The following RNF20 variants were observed in gnomAD, a reference collection of about 807,000 sequenced individuals.
RNF20 encodes E3 ubiquitin-protein ligase BRE1A.
In RNF20, 84 loss-of-function variants were observed where a neutral mutation model predicts 126.2. The observed-to-expected ratio is 0.67, with a 90% CI of 0.56 to 0.80. RNF20 has a LOEUF of 0.80. Ranked by LOEUF, RNF20 falls within the 30% of genes least tolerant of loss-of-function variation. RNF20 has a pLI of 0.00. For synonymous variants in RNF20, 400 were observed against 414.3 expected, an observed-to-expected ratio of 0.97 and a Z score of 0.42; for missense variants, 869 against 1,188.2, an observed-to-expected ratio of 0.73 and a Z score of 3.95.
At chr9:101,548,939 G>GT (rs974947159) in intron 9 of RNF20, among the ~76,000 whole-genome samples, 44 of 152,320 alleles carry the variant, frequency 2.9e-4, no homozygotes, top group African/African-American at 1.0e-3. Context: ...TGGCTCTGCA[G>GT]TTTTTTGCTA....
intron 16 of RNF20, among the ~76,000 whole-genome samples, chr9:101,558,321 CA>C (rs1308762052): frequency 6.6e-6 from 1 of 152,120 alleles, no homozygotes; most frequent in Admixed American, 6.6e-5. Context: ...TATTGGTCTC[CA>C]ATTCCAATTC....
intron 17 of RNF20, 75 bp from the exon 18 acceptor site, chr9:101,561,015 A>C (rs533310666): frequency 1.2e-6 from 2 of 1,600,148 alleles, no homozygotes; most frequent in East Asian, 4.5e-5. Context: ...TATTCCTTCA[A>C]CTTGGGCTAA....
chr9:101,553,966 C>G, intron 13 of RNF20, 22 bp from the exon 14 acceptor site: 1 of 1,344,708 alleles, frequency 7.4e-7, no homozygotes, highest in South Asian at 1.2e-5. Context: ...TTGTTCCCCT[C>G]CCTCTACTAC....
intron 6 of RNF20, among the ~76,000 whole-genome samples, chr9:101,545,324 A>G (rs1014833336): frequency 6.6e-6 from 1 of 152,224 alleles, no homozygotes; most frequent in Non-Finnish European, 1.5e-5. Context: ...TTCAAAATAT[A>G]TTCTACTGGA....
rs777849609 is a variant in RNF20, at chr9:101,562,139, C to CT, written c.2752-100dup. The CT allele has an allele frequency of 2.2e-6, 3 of 1,356,428 alleles. No homozygotes were observed. The African/African-American group carries it at 4.4e-5, about 20-fold the overall frequency. 84.0% of individuals were successfully genotyped at this position (1,356,428 alleles called of 1,614,324 possible). A position where few individuals can be genotyped will look rare whatever the true frequency, so the allele number is the denominator to read the frequency against. ...TTGGAGGTTGGGGGGAAATGATGCT[C>CT]TTTTTTTAGTGCCTTGTGGGTTTTC... On this transcript the variant is annotated intron_variant, in intron 19 of 19. Transcript: ENST00000389120.
chr9:101,546,923 G>A lies in RNF20; in HGVS notation c.851G>A (p.Arg284Lys). The change falls in exon 7 of 20, where the codon AGG (arginine) becomes AAG (lysine). Residue 284 changes from arginine (R) to lysine (K), a missense_variant. Arg to Lys is a conservative substitution (Grantham distance 26, BLOSUM62 2). Around this residue, in one of 8 missense-constraint regions of RNF20, gnomAD observed 153 missense variants for 226.4 expected, o/e 0.68. Coordinates refer to ENST00000389120, the MANE Select transcript of RNF20 (RefSeq NM_019592.7). ...TGGGATATTGACAAAATTCGAAAGA[G>A]GGAACAGCGACTCAACCGACACTTA... is the stretch of plus-strand genomic sequence containing the variant. ...LQWDIDKIRKREQRLNRHLAE... is the reference protein window; with the variant it reads ...LQWDIDKIRKKEQRLNRHLAE... The A allele has an allele frequency of 6.2e-7, 1 of 1,614,100 alleles. No individual in the cohort carries two copies.
chr9:101,562,212 T>C, intron 19 of RNF20, 34 bp from the exon 20 acceptor site: 1 of 1,596,604 alleles, frequency 6.3e-7, no homozygotes, highest in South Asian at 1.1e-5. Context: ...TAAACTTTCA[T>C]GGTTGTTCAA....
At chr9:101,556,600 A>T (rs1024725015) in intron 15 of RNF20, among the ~76,000 whole-genome samples, 1 of 152,176 alleles carries the variant, frequency 6.6e-6, no homozygotes, top group Non-Finnish European at 1.5e-5. Flanking sequence ...GAAAACCATT[A>T]AATTCCTTTA....
intron 2 of RNF20, among the ~76,000 whole-genome samples, chr9:101,537,978 T>C (rs890535548): frequency 3.3e-5 from 5 of 152,100 alleles, no homozygotes; most frequent in African/African-American, 9.7e-5. Flanking sequence ...CGCTGTAAAG[T>C]AGATGACTAT....
At position 101,544,788 on chromosome 9, in the gene RNF20, C is replaced by T. The variant is rs551482617; in HGVS notation, c.650C>T (p.Ala217Val). Residue 217 changes from alanine (A) to valine (V), a missense_variant, in exon 6 of 20, where the codon GCA (alanine) becomes GTA (valine). By Grantham distance (64) the Ala-to-Val change is moderately conservative. Around this residue, in one of 8 missense-constraint regions of RNF20, gnomAD observed 103 missense variants for 94.3 expected, o/e 1.09. Transcript: ENST00000389120. ...CCAGATAATCTGATAGTGGAGGAAGCAGTGCAGGAGCTGAACTCTTTCCTC... is the reference window on the plus strand; with the variant it reads ...CCAGATAATCTGATAGTGGAGGAAGTAGTGCAGGAGCTGAACTCTTTCCTC... ...NSGDNLIVEE[A>V]VQELNSFLAQ... 3.7e-6 allele frequency: 6 copies of T among 1,604,958 alleles called. No individual in the cohort carries two copies. Among genetic ancestry groups the T allele is most frequent in the Non-Finnish European group, 5.1e-6 (6 of 1,171,918 alleles).
At chr9:101,540,033 C>T in intron 2 of RNF20, 170 bp from the exon 3 acceptor site, 2 of 633,820 alleles carry the variant, frequency 3.2e-6, no homozygotes, top group Non-Finnish European at 5.4e-6. Flanking sequence ...CCATCATATA[C>T]CTGTTGTTTA....
intron 10 of RNF20, among the ~76,000 whole-genome samples, 182 bp from the exon 11 acceptor site, chr9:101,551,502 A>G (rs1454697981): frequency 6.7e-6 from 1 of 150,336 alleles, no homozygotes; most frequent in East Asian, 2.0e-4. Flanking sequence ...TAATATTCTC[A>G]GAATTGGTGG....
chr9:101,534,633 A>G (rs1202326383), intron 1 of RNF20, among the ~76,000 whole-genome samples: 1 of 152,182 alleles, frequency 6.6e-6, no homozygotes, highest in Non-Finnish European at 1.5e-5. Context: ...TGGGTTAGGA[A>G]ACTGAGGCTT....
At chr9:101,537,024 T>A (rs543605011) in intron 2 of RNF20, among the ~76,000 whole-genome samples, 1 of 152,340 alleles carries the variant, frequency 6.6e-6, no homozygotes, top group East Asian at 1.9e-4. Context: ...TTGAAAGCAG[T>A]CCCTCCTGTG....
At chr9:101,560,710 C>A in intron 16 of RNF20, 91 bp from the exon 17 acceptor site, 1 of 1,248,574 alleles carries the variant, frequency 8.0e-7, no homozygotes, top group Non-Finnish European at 1.1e-6. Context: ...TTCTAACATA[C>A]TGTATTTTGT....
chr9:101,536,143 T>C (rs923902169), intron 2 of RNF20, among the ~76,000 whole-genome samples: 29 of 152,240 alleles, frequency 1.9e-4, no homozygotes, highest in African/African-American at 6.5e-4. Context: ...ATAGCTAATA[T>C]TGGGCTAGAT....
intron 1 of RNF20, chr9:101,534,436 C>T (rs1387561616): frequency 6.6e-6 from 1 of 152,084 alleles, no homozygotes; most frequent in Non-Finnish European, 1.5e-5. Flanking sequence ...GTCTAACTAA[C>T]GTAGGGTTGC....
chr9:101,555,718 G>A (rs576550762), intron 15 of RNF20, among the ~76,000 whole-genome samples: 2 of 151,756 alleles, frequency 1.3e-5, no homozygotes, highest in East Asian at 1.9e-4. Flanking sequence ...TTGGGAGGCC[G>A]AGGTGGATGG....
intron 8 of RNF20, 41 bp downstream of exon 8, chr9:101,547,255 A>G: frequency 6.2e-7 from 1 of 1,607,826 alleles, no homozygotes; most frequent in Non-Finnish European, 8.5e-7. Context: ...ACTGTATGTC[A>G]GCTTTCATGC....
Sources: gnomAD v4.1 joint callset for allele counts (sites outside exome capture counted in the v4.1 genomes callset) on GRCh38, gnomAD v4.1.1 for gene constraint, gnomAD v4.1.1 regional missense constraint, MANE v1.5 for transcripts, NCBI Gene and HGNC (gene_info 2026-07-23, HGNC 2026-07-21) for gene names.